B3GALT1: variants seen among roughly 807,000 people sequenced by gnomAD.
B3GALT1 encodes UDP-Gal:betaGlcNAc beta 1,3-galactosyltransferase, polypeptide 1.
A neutral mutation model predicts 23.2 loss-of-function variants in B3GALT1; 10 were observed. The observed-to-expected ratio is 0.43, with a 90% confidence interval of 0.27 to 0.73. B3GALT1 has a LOEUF of 0.73. B3GALT1 is among the 30% of genes least tolerant of loss of function. The probability of loss-of-function intolerance (pLI) is 0.21; values close to 1 mark genes in which losing one functional copy is unlikely to be tolerated. For synonymous variants in B3GALT1, 156 were observed against 141.5 expected (o/e 1.10, Z -0.73); for missense variants, 299 against 405.4 (o/e 0.74, Z 2.25).
chr2:167,407,564 G>A (rs1643129631), intron 1 of B3GALT1, among the ~76,000 whole-genome samples: 1 of 17,356 alleles, frequency 5.8e-5, no homozygotes, highest in South Asian at 1.4e-3. Flanking sequence ...TATTGAAAAG[G>A]TAAAAAAAAA....
chr2:167,636,103 T>A (rs1177954296), intron 2 of B3GALT1, among the ~76,000 whole-genome samples: 1 of 151,892 alleles, frequency 6.6e-6, no homozygotes, highest in Non-Finnish European at 1.5e-5. Flanking sequence ...CTAAAGAGAT[T>A]AAAAAAGAAA....
chr2:167,408,428 A>C (rs1483231502), intron 1 of B3GALT1, among the ~76,000 whole-genome samples: 1 of 152,192 alleles, frequency 6.6e-6, no homozygotes, highest in Non-Finnish European at 1.5e-5. Context: ...ACAGGAAAGT[A>C]TTGAAGACCT....
chr2:167,519,251 C>T (rs188380925), intron 2 of B3GALT1, among the ~76,000 whole-genome samples: 172 of 152,200 alleles, frequency 1.1e-3, no homozygotes, highest in African/African-American at 3.9e-3. Context: ...GCATACTGAA[C>T]ATAGATCAGA....
chr2:167,749,530 AT>A (rs1290867664), intron 3 of B3GALT1, among the ~76,000 whole-genome samples: 2 of 152,200 alleles, frequency 1.3e-5, no homozygotes, highest in Non-Finnish European at 2.9e-5. Flanking sequence ...TCCAATAACT[AT>A]ATATTTTAAT....
intron 3 of B3GALT1, among the ~76,000 whole-genome samples, chr2:167,692,971 G>A (rs1686737557): frequency 6.6e-6 from 1 of 151,894 alleles, no homozygotes; most frequent in Non-Finnish European, 1.5e-5. Context: ...CCAAGGAAAT[G>A]AAGGAAGACT....
intron 4 of B3GALT1, among the ~76,000 whole-genome samples, chr2:167,865,015 CTGTTA>C (rs1690183003): frequency 1.3e-5 from 2 of 151,970 alleles, no homozygotes; most frequent in African/African-American, 4.8e-5. Flanking sequence ...TCCTCTGTTT[CTGTTA>C]TATTTCTCCT....
chr2:167,326,514 A>G (rs1373550569), intron 1 of B3GALT1, among the ~76,000 whole-genome samples: 1 of 151,300 alleles, frequency 6.6e-6, no homozygotes, highest in Admixed American at 6.6e-5. Flanking sequence ...ACCTAGACCA[A>G]TGTCCTGAAG....
chr2:167,869,034 A>G lies in B3GALT1; in HGVS notation c.-6A>G. 4 of 1,593,590 alleles carry G rather than the reference A, an allele frequency of 2.5e-6. No individual in the cohort carries two copies. Among genetic ancestry groups the G allele is most frequent in the Non-Finnish European group, 3.4e-6 (4 of 1,169,938 alleles). ...CAATATTTGGAATAGACGTGTTCTC[A>G]AGACAATGGCTTCAAAGGTCTCCTG... is the stretch of plus-strand genomic sequence containing the variant. On this transcript the variant is annotated 5_prime_UTR_variant, in exon 5 of 5. Transcript: ENST00000392690. The surrounding 1 kb of genome is among the most constrained non-coding windows in gnomAD (Gnocchi z 6.4).
chr2:167,296,101 C>T (rs1696345914), intron 1 of B3GALT1, among the ~76,000 whole-genome samples: 1 of 152,076 alleles, frequency 6.6e-6, no homozygotes, highest in Non-Finnish European at 1.5e-5. Context: ...GCTTAGACTG[C>T]CATATATTCT....
At chr2:167,773,224 G>A (rs1265627034) in intron 3 of B3GALT1, among the ~76,000 whole-genome samples, 3 of 152,038 alleles carry the variant, frequency 2.0e-5, no homozygotes, top group Non-Finnish European at 4.4e-5. Flanking sequence ...AGATAATTTA[G>A]AAGCAATCTT....
At chr2:167,536,987 C>G (rs1469824715) in intron 2 of B3GALT1, among the ~76,000 whole-genome samples, 1 of 152,152 alleles carries the variant, frequency 6.6e-6, no homozygotes, top group Non-Finnish European at 1.5e-5. Flanking sequence ...CTAAAAGTCG[C>G]AGATCCCTGG....
At chr2:167,406,662 G>A (rs1698283515) in intron 1 of B3GALT1, among the ~76,000 whole-genome samples, 1 of 152,180 alleles carries the variant, frequency 6.6e-6, no homozygotes, top group Non-Finnish European at 1.5e-5. Context: ...AGTGAAGGAA[G>A]AAATATCCCT....
At chr2:167,567,454 T>C (rs752713881) in intron 2 of B3GALT1, among the ~76,000 whole-genome samples, 34 of 152,162 alleles carry the variant, frequency 2.2e-4, no homozygotes, top group Non-Finnish European at 4.7e-4. Flanking sequence ...AGTTTTGTAT[T>C]TTAAATAAAG....
intron 1 of B3GALT1, among the ~76,000 whole-genome samples, chr2:167,441,394 C>T (rs1698891288): frequency 6.6e-6 from 1 of 152,126 alleles, no homozygotes; most frequent in African/African-American, 2.4e-5. Flanking sequence ...CCACTGATAG[C>T]CCACCCTTCA....
Position 167,318,768 on chromosome 2 carries a change from C to T in B3GALT1, c.-511+25434C>T, listed in dbSNP as rs553915224. On this transcript the variant is annotated intron_variant, in intron 1 of 4. Transcript: ENST00000392690. ...TGAGGTGCCTGGGCTTTTGGCCAGC[C>T]TCCCTGGGAGAAATGTTCAGCTGCT... is the stretch of plus-strand genomic sequence containing the variant. Among the ~76,000 whole-genome samples the T allele has an allele frequency of 9.9e-4, 151 of 152,144 alleles. 2 individuals carry two copies. Among genetic ancestry groups the T allele is most frequent in the African/African-American group, 3.4e-3 (143 of 41,528 alleles).
intron 2 of B3GALT1, among the ~76,000 whole-genome samples, chr2:167,516,094 G>A (rs746915717): frequency 8.6e-5 from 13 of 151,724 alleles, no homozygotes; most frequent in South Asian, 2.1e-4. Flanking sequence ...TTTTAGACAC[G>A]CCTCCCCCAC....
At chr2:167,501,382 T>G (rs193155257) in intron 2 of B3GALT1, among the ~76,000 whole-genome samples, 150 of 151,876 alleles carry the variant, frequency 9.9e-4, no homozygotes, top group African/African-American at 3.3e-3. Context: ...TTTGGTAATG[T>G]TTTAGCTATA....
chr2:167,619,678 T>G (rs1166007071), intron 2 of B3GALT1, among the ~76,000 whole-genome samples: 1 of 152,126 alleles, frequency 6.6e-6, no homozygotes, highest in African/African-American at 2.4e-5. Flanking sequence ...CTACCACACA[T>G]GTTTATATGC....
intron 1 of B3GALT1, among the ~76,000 whole-genome samples, chr2:167,295,638 C>G (rs1696337807): frequency 6.6e-6 from 1 of 152,126 alleles, no homozygotes; most frequent in Non-Finnish European, 1.5e-5. Flanking sequence ...AACGACTTGG[C>G]TAAGAAAGTG....
Sources: gnomAD v4.1 joint callset for allele counts (sites outside exome capture counted in the v4.1 genomes callset) on GRCh38, gnomAD v4.1.1 for gene constraint, Gnocchi (gnomAD v3.1) non-coding constraint, MANE v1.5 for transcripts, NCBI Gene and HGNC (gene_info 2026-07-23, HGNC 2026-07-21) for gene names.